The following DRC9 variants were observed in gnomAD, a reference collection of about 807,000 sequenced individuals.
DRC9 encodes the protein dynein regulatory complex subunit 9.
chr3:197,938,471 AG>A, the DRC9 span: 1 of 982,056 alleles, frequency 1.0e-6, no homozygotes, highest in Non-Finnish European at 1.6e-6. Context: ...AGACGATAGC[AG>A]TCAGCCACCT....
the DRC9 span, chr3:197,906,429 C>A: frequency 6.6e-6 from 1 of 151,834 alleles, no homozygotes; most frequent in African/African-American, 2.4e-5. Flanking sequence ...GACAAAAAAA[C>A]TGTTTTTCTT....
the DRC9 span, among the ~76,000 whole-genome samples, chr3:197,916,931 A>ATTTGT: frequency 2.0e-5 from 3 of 152,072 alleles, no homozygotes; most frequent in African/African-American, 7.2e-5. Flanking sequence ...GTTTTAAGAA[A>ATTTGT]GTTTACGAAT....
At chr3:197,913,318 T>TTGCGTGTGTGTGTGCG in the DRC9 span, 1 of 183,556 alleles carries the variant, frequency 5.4e-6, no homozygotes, top group African/African-American at 3.0e-5. Context: ...GTGCCTGGCT[T>TTGCGTGTGTGTGTGCG]TGCGTGTGTG....
At chr3:197,944,178 G>T in the DRC9 span, 1 of 801,566 alleles carries the variant, frequency 1.2e-6, no homozygotes, top group Non-Finnish European at 2.0e-6. Flanking sequence ...GAACCTAGAT[G>T]AAAAAAAAGG....
the DRC9 span, chr3:197,959,275 T>G: frequency 6.6e-6 from 1 of 152,224 alleles, no homozygotes; most frequent in Non-Finnish European, 1.5e-5. Context: ...GATGACTGGT[T>G]CCATTCTTTA....
At chr3:197,959,677 G>C in the DRC9 span, 2 of 152,434 alleles carry the variant, frequency 1.3e-5, no homozygotes, top group Non-Finnish European at 2.9e-5. Context: ...TAATGGCCAG[G>C]ATCCCCCTTA....
chr3:197,910,274 T>G, the DRC9 span, among the ~76,000 whole-genome samples: 2 of 152,076 alleles, frequency 1.3e-5, no homozygotes, highest in East Asian at 1.9e-4. Context: ...CACTGAAGCC[T>G]GGGAAACAGA....
chr3:197,957,319 TCA>T, the DRC9 span: 1 of 152,274 alleles, frequency 6.6e-6, no homozygotes, highest in Non-Finnish European at 1.5e-5. Context: ...GGTCCCTCTG[TCA>T]CACTGGCAGT....
At chr3:197,898,187 C>T in the DRC9 span, among the ~76,000 whole-genome samples, 1 of 152,084 alleles carries the variant, frequency 6.6e-6, no homozygotes, top group Non-Finnish European at 1.5e-5. Context: ...ACGCTCTTCC[C>T]TCACCTCCTC....
chr3:197,918,551 C>A, the DRC9 span, among the ~76,000 whole-genome samples: 1 of 152,270 alleles, frequency 6.6e-6, no homozygotes, highest in African/African-American at 2.4e-5. Flanking sequence ...AAGCCTTTTG[C>A]AGAAAACCTC....
the DRC9 span, among the ~76,000 whole-genome samples, chr3:197,898,225 C>T: frequency 6.6e-6 from 1 of 152,156 alleles, no homozygotes; most frequent in Non-Finnish European, 1.5e-5. Context: ...AAGAAACACC[C>T]TTTTAAATAA....
At chr3:197,892,610 C>T in the DRC9 span, 1 of 1,613,612 alleles carries the variant, frequency 6.2e-7, no homozygotes, top group Non-Finnish European at 8.5e-7. Context: ...TCAGTGAGCG[C>T]CCTAATTCCT....
chr3:197,927,052 T>A, the DRC9 span, among the ~76,000 whole-genome samples: 1 of 152,146 alleles, frequency 6.6e-6, no homozygotes, highest in Non-Finnish European at 1.5e-5. Context: ...TGACTGTTTC[T>A]CAATCTACTC....
the DRC9 span, among the ~76,000 whole-genome samples, chr3:197,893,366 A>AG: frequency 9.3e-5 from 14 of 151,046 alleles, no homozygotes; most frequent in African/African-American, 3.2e-4. Flanking sequence ...TCAAAAAAAA[A>AG]AAAAAAAAAA....
chr3:197,935,637 C>G, the DRC9 span, among the ~76,000 whole-genome samples: 3 of 151,908 alleles, frequency 2.0e-5, no homozygotes, highest in Non-Finnish European at 2.9e-5. Context: ...AGCACGCCAC[C>G]ACGCCCAGCT....
chr3:197,940,867 C>G, the DRC9 span, among the ~76,000 whole-genome samples: 1 of 152,232 alleles, frequency 6.6e-6, no homozygotes, highest in Admixed American at 6.5e-5. Context: ...ACTATTTACA[C>G]TACAGTAAAA....
chr3:197,925,912 G>A, the DRC9 span: 1 of 730,612 alleles, frequency 1.4e-6, no homozygotes, highest in Non-Finnish European at 2.5e-6. Flanking sequence ...GAATGCCGGA[G>A]GAAACAACAA....
the DRC9 span, among the ~76,000 whole-genome samples, chr3:197,935,821 T>C: frequency 5.3e-5 from 8 of 151,840 alleles, no homozygotes; most frequent in Admixed American, 4.6e-4. Context: ...CGTTATAGTC[T>C]CTGTTTCTGC....
At chr3:197,899,550 CCT>C in the DRC9 span, among the ~76,000 whole-genome samples, 1 of 151,998 alleles carries the variant, frequency 6.6e-6, no homozygotes, top group African/African-American at 2.4e-5. Flanking sequence ...AGTGAGAACC[CCT>C]GTCTCAAAGA....
Sources: allele counts gnomAD v4.1 joint callset (sites outside exome capture counted in the v4.1 genomes callset), GRCh38; gene constraint gnomAD v4.1.1; transcripts MANE v1.5; gene names NCBI Gene and HGNC (gene_info 2026-07-23, HGNC 2026-07-21).